Variants in E2F3 observed in about 807,000 individuals in gnomAD.
E2F3 encodes transcription factor E2F3.
E2F3 carries 11 observed loss-of-function variants against 44.4 expected under a neutral mutation model. The observed-to-expected ratio is 0.25, with a 90% CI of 0.16 to 0.41. E2F3 has a LOEUF of 0.41. Among genes scored for constraint, E2F3 ranks in the 10% least tolerant of loss-of-function variants. E2F3 has a pLI of 1.00. For missense variants in E2F3, 487 were observed against 583.6 expected (o/e 0.83, Z 1.70); for synonymous variants, 249 against 253.0 (o/e 0.98, Z 0.15).
intron 1 of E2F3, among the ~76,000 whole-genome samples, chr6:20,470,314 A>G (rs1353014834): frequency 6.6e-6 from 1 of 152,248 alleles, no homozygotes; most frequent in Non-Finnish European, 1.5e-5. Flanking sequence ...TGTTGATAGC[A>G]GGGACCACCA....
rs574154470 is a variant in E2F3, at chr6:20,492,446, G to C, written c.*2016G>C. 1 of 233,726 alleles carries C rather than the reference G, an allele frequency of 4.3e-6. No homozygotes were observed. The highest frequency in any genetic ancestry group is 2.2e-5 in the African/African-American group (1 of 45,446). The allele number at this position is 233,726 out of a possible 1,614,324, so 14.5% of individuals were successfully genotyped here. ...GGGTGGGGGAGGGAGAGGGAGCTTT[G>C]TGTTAAGTGCCTACTGGAAATGCAC... On this transcript the variant is annotated 3_prime_UTR_variant, in exon 7 of 7. Coordinates refer to ENST00000346618, the MANE Select transcript of E2F3 (RefSeq NM_001949.5).
chr6:20,416,355 A>G (rs560019244), intron 1 of E2F3, among the ~76,000 whole-genome samples: 1 of 152,304 alleles, frequency 6.6e-6, no homozygotes, highest in African/African-American at 2.4e-5. Context: ...TTAAGCACCT[A>G]GCATATGCCA....
At chr6:20,468,919 G>A (rs1335624597) in intron 1 of E2F3, among the ~76,000 whole-genome samples, 1 of 152,178 alleles carries the variant, frequency 6.6e-6, no homozygotes, top group Non-Finnish European at 1.5e-5. Context: ...TGTATGCAGT[G>A]AAGGAAAACT....
intron 1 of E2F3, among the ~76,000 whole-genome samples, chr6:20,444,775 T>G (rs1760886089): frequency 6.6e-6 from 1 of 152,246 alleles, no homozygotes; most frequent in African/African-American, 2.4e-5. Context: ...AACTACTCGA[T>G]TCAAGATTTT....
intron 1 of E2F3, chr6:20,445,064 G>A (rs1178319564): frequency 7.1e-6 from 7 of 985,318 alleles, no homozygotes; most frequent in Non-Finnish European, 7.2e-6. Flanking sequence ...ATAACACCCT[G>A]AGTGTCAAGT....
Position 20,491,144 on chromosome 6 carries a change from G to GAACC in E2F3, c.*716_*719dup, listed in dbSNP as rs1762542645. 8 of 232,286 alleles carry GAACC rather than the reference G, an allele frequency of 3.4e-5. No homozygotes were observed. The South Asian group carries it at 1.3e-3, about 37-fold the overall frequency. The allele number at this position is 232,286 out of a possible 1,614,324, so 14.4% of individuals were successfully genotyped here. A position where few individuals can be genotyped will look rare whatever the true frequency, so the allele number is the denominator to read the frequency against. On this transcript the variant is annotated 3_prime_UTR_variant, in exon 7 of 7. Transcript: ENST00000346618. ...CTGTTGTGGATTTTCCTGTCTCCAT[G>GAACC]AACCACTCCCATTCCCCCGTCCCCA...
intron 1 of E2F3, among the ~76,000 whole-genome samples, chr6:20,435,627 T>A (rs1760548990): frequency 6.6e-6 from 1 of 152,128 alleles, no homozygotes; most frequent in Non-Finnish European, 1.5e-5. Context: ...GGCGCACGCC[T>A]GTAGTCCCAG....
At chr6:20,412,915 G>T (rs900898808) in intron 1 of E2F3, among the ~76,000 whole-genome samples, 1 of 152,292 alleles carries the variant, frequency 6.6e-6, no homozygotes, top group Non-Finnish European at 1.5e-5. Flanking sequence ...AATGTTTATC[G>T]AGTGCCCGCA....
intron 1 of E2F3, among the ~76,000 whole-genome samples, chr6:20,456,587 A>G (rs963729741): frequency 1.3e-5 from 2 of 152,256 alleles, no homozygotes; most frequent in African/African-American, 4.8e-5. Flanking sequence ...GAATACAAAT[A>G]GAAATAGATT....
At chr6:20,409,078 C>T (rs757462327) in intron 1 of E2F3, among the ~76,000 whole-genome samples, 1 of 152,156 alleles carries the variant, frequency 6.6e-6, no homozygotes, top group Non-Finnish European at 1.5e-5. Context: ...AAAACCGAAA[C>T]GGGAGACTCT....
intron 1 of E2F3, among the ~76,000 whole-genome samples, chr6:20,451,094 T>G (rs1761116005): frequency 6.6e-6 from 1 of 152,218 alleles, no homozygotes; most frequent in Non-Finnish European, 1.5e-5. Context: ...TGCTTAGGAT[T>G]GCCTTTGCTA....
chr6:20,470,428 A>G (rs1298537394), intron 1 of E2F3, among the ~76,000 whole-genome samples: 4 of 152,210 alleles, frequency 2.6e-5, no homozygotes, highest in Admixed American at 2.6e-4. Context: ...GAGTTAATAC[A>G]TAGTTACAGC....
At chr6:20,446,668 C>T (rs868613090) in intron 1 of E2F3, among the ~76,000 whole-genome samples, 4 of 152,158 alleles carry the variant, frequency 2.6e-5, no homozygotes, top group Admixed American at 6.5e-5. Flanking sequence ...TAGGTTCAAG[C>T]GATTCTCCTG....
intron 1 of E2F3, among the ~76,000 whole-genome samples, chr6:20,444,885 G>C (rs963255571): frequency 2.6e-5 from 4 of 152,212 alleles, no homozygotes; most frequent in African/African-American, 9.6e-5. Flanking sequence ...TGGACCTCTG[G>C]GCTTTGCTTC....
chr6:20,460,184 C>G (rs1019819091), intron 1 of E2F3, among the ~76,000 whole-genome samples: 1 of 152,188 alleles, frequency 6.6e-6, no homozygotes. Flanking sequence ...TTTCCCTAGA[C>G]TTTTTTGTTT....
intron 1 of E2F3, among the ~76,000 whole-genome samples, chr6:20,456,178 C>T (rs112364974): frequency 2.6e-5 from 4 of 152,016 alleles, no homozygotes; most frequent in African/African-American, 7.2e-5. Context: ...ACTTCAGATA[C>T]GCTCACAGGC....
chr6:20,447,252 C>T (rs961125407), intron 1 of E2F3, among the ~76,000 whole-genome samples: 2 of 151,940 alleles, frequency 1.3e-5, no homozygotes, highest in African/African-American at 4.8e-5. Flanking sequence ...AAGGGCACTG[C>T]CTTTCTTGTG....
chr6:20,404,515 A>G (rs1454405595), intron 1 of E2F3, among the ~76,000 whole-genome samples: 1 of 152,196 alleles, frequency 6.6e-6, no homozygotes, highest in Non-Finnish European at 1.5e-5. Context: ...AAATGGGTTT[A>G]ATTTTTGGAG....
At chr6:20,410,842 G>A (rs1165561070) in intron 1 of E2F3, among the ~76,000 whole-genome samples, 2 of 152,146 alleles carry the variant, frequency 1.3e-5, no homozygotes, top group African/African-American at 4.8e-5. Context: ...GGCTGGTCTC[G>A]AACTCCTGAC....
Sources: gnomAD v4.1 joint callset for allele counts (sites outside exome capture counted in the v4.1 genomes callset) on GRCh38, gnomAD v4.1.1 for gene constraint, MANE v1.5 for transcripts, NCBI Gene and HGNC (gene_info 2026-07-23, HGNC 2026-07-21) for gene names.